TMEM114: variants seen among roughly 807,000 people sequenced by gnomAD.
TMEM114 encodes the protein claudin-26.
TMEM114 carries 6 observed loss-of-function variants against 6.2 expected under a neutral mutation model. The observed-to-expected ratio is 0.97, with a 90% CI of 0.53 to 1.91. The LOEUF is 1.91. Among genes scored for constraint, TMEM114 ranks in the 40% most tolerant of loss-of-function variants. TMEM114 has a pLI of 0.01. For missense variants in TMEM114, 218 were observed against 158.3 expected (o/e 1.38, Z -2.02); for synonymous variants, 104 against 73.0 (o/e 1.42, Z -2.16).
intron 2 of TMEM114, among the ~76,000 whole-genome samples, chr16:8,581,005 A>G (rs971735699): frequency 6.6e-6 from 1 of 152,144 alleles, no homozygotes; most frequent in Non-Finnish European, 1.5e-5. Context: ...ATCATACTTT[A>G]ACAGATCTGA....
intron 2 of TMEM114, among the ~76,000 whole-genome samples, chr16:8,558,685 C>A (rs541010106): frequency 2.6e-5 from 4 of 152,252 alleles, no homozygotes; most frequent in African/African-American, 7.2e-5. Flanking sequence ...TTCACCCCAC[C>A]TCTCAGGGCC....
Position 8,560,964 on chromosome 16 carries a change from T to C in TMEM114, n.213-23138A>G, listed in dbSNP as rs77905432. ...GGCAGAAGGCAAAAGACACGTCTTA[T>C]ATCACAGCAGGCGAGACAGGGAATG... On this transcript the variant is annotated intron_variant and non_coding_transcript_variant, in intron 2 of 2. Transcript: ENST00000623677. 4.5e-3 allele frequency among the ~76,000 whole-genome samples: 692 copies of C among 152,328 alleles called. 6 individuals carry two copies. The highest frequency in any genetic ancestry group is 0.015 in the African/African-American group (642 of 41,574).
chr16:8,543,409 T>C (rs113646045), intron 2 of TMEM114, among the ~76,000 whole-genome samples: 11,362 of 152,062 alleles, frequency 0.075, 508 homozygotes, highest in Middle Eastern at 0.17. Context: ...CTGCTTTCCC[T>C]ACCTACCAAG....
At chr16:8,538,466 A>T (rs988239182) in intron 2 of TMEM114, among the ~76,000 whole-genome samples, 2 of 151,668 alleles carry the variant, frequency 1.3e-5, no homozygotes, top group Non-Finnish European at 2.9e-5. Context: ...GTATGAACCT[A>T]GACAAAGAAT....
At chr16:8,549,755 A>G (rs751049108) in intron 2 of TMEM114, among the ~76,000 whole-genome samples, 3 of 152,144 alleles carry the variant, frequency 2.0e-5, no homozygotes, top group Admixed American at 1.3e-4. Flanking sequence ...GCCATGATGA[A>G]GAGTAAGTAA....
intron 2 of TMEM114, among the ~76,000 whole-genome samples, chr16:8,561,288 G>A (rs988912526): frequency 1.3e-5 from 2 of 152,228 alleles, no homozygotes; most frequent in African/African-American, 4.8e-5. Flanking sequence ...GCAAAATTAG[G>A]AGGAAGAGTT....
At chr16:8,535,902 T>C (rs1437414552), downstream of TMEM114, among the ~76,000 whole-genome samples, 8 of 152,150 alleles carry the variant, frequency 5.3e-5, 1 homozygote, top group Admixed American at 5.2e-4. Context: ...TAAGTCCTCA[T>C]GGTCAAAATG....
chr16:8,569,415 C>G (rs1596308303), downstream of TMEM114: 4 of 1,078,108 alleles, frequency 3.7e-6, no homozygotes, highest in East Asian at 2.7e-4. Flanking sequence ...CCCAGACCCA[C>G]CAAGGAGCTG....
downstream of TMEM114, among the ~76,000 whole-genome samples, chr16:8,534,613 G>T (rs1342827195): frequency 6.6e-6 from 1 of 152,178 alleles, no homozygotes; most frequent in African/African-American, 2.4e-5. Context: ...ACACACACAA[G>T]TGCTTGGTGG....
intron 2 of TMEM114, among the ~76,000 whole-genome samples, chr16:8,578,736 T>A (rs1902029719): frequency 6.6e-6 from 1 of 152,160 alleles, no homozygotes; most frequent in South Asian, 2.1e-4. Context: ...CCCGGCACTT[T>A]GAGAGGCTGA....
intron 2 of TMEM114, among the ~76,000 whole-genome samples, chr16:8,539,080 G>C (rs769426263): frequency 6.6e-6 from 1 of 152,032 alleles, no homozygotes; most frequent in African/African-American, 2.4e-5. Context: ...TGTGAGTTGC[G>C]ATTTTTTTTA....
chr16:8,530,232 C>A, the TMEM114 span, among the ~76,000 whole-genome samples: 2 of 152,214 alleles, frequency 1.3e-5, no homozygotes, highest in African/African-American at 4.8e-5. Context: ...AAAACTCACT[C>A]TCAGCAAAGT....
intron 2 of TMEM114, among the ~76,000 whole-genome samples, chr16:8,555,364 A>G (rs1312560063): frequency 6.6e-6 from 1 of 152,232 alleles, no homozygotes; most frequent in African/African-American, 2.4e-5. Context: ...ATGTGCTAAG[A>G]GTAGCAGCTC....
downstream of TMEM114, among the ~76,000 whole-genome samples, chr16:8,535,590 A>G (rs545862617): frequency 1.3e-5 from 2 of 152,346 alleles, no homozygotes; most frequent in South Asian, 4.1e-4. Flanking sequence ...ATGGGAAATA[A>G]ATGAAATATA....
intron 2 of TMEM114, among the ~76,000 whole-genome samples, chr16:8,581,919 C>G (rs1902164512): frequency 1.3e-5 from 2 of 152,322 alleles, no homozygotes; most frequent in Admixed American, 6.5e-5. Flanking sequence ...CACAGCTATG[C>G]ATAAATCACA....
chr16:8,558,907 AT>A (rs556739377), intron 2 of TMEM114, among the ~76,000 whole-genome samples: 2 of 149,334 alleles, frequency 1.3e-5, no homozygotes, highest in East Asian at 4.0e-4. Context: ...TGCCCAGCTA[AT>A]TTTTTTTTGT....
chr16:8,531,282 T>G, the TMEM114 span, among the ~76,000 whole-genome samples: 1 of 152,228 alleles, frequency 6.6e-6, no homozygotes, highest in South Asian at 2.1e-4. Flanking sequence ...ATGAAGAATT[T>G]CTGTTCAAAA....
At chr16:8,582,740 A>G (rs1263207212) in intron 2 of TMEM114, among the ~76,000 whole-genome samples, 1 of 152,116 alleles carries the variant, frequency 6.6e-6, no homozygotes, top group Non-Finnish European at 1.5e-5. Flanking sequence ...AAATACAAAA[A>G]TGATCTGGGC....
chr16:8,570,190 C>T (rs1901685248), intron 3 of TMEM114, among the ~76,000 whole-genome samples, 185 bp from the exon 4 acceptor site: 1 of 152,208 alleles, frequency 6.6e-6, no homozygotes, highest in South Asian at 2.1e-4. Context: ...TGCCTGTCAT[C>T]GGCAACTCCT....
Sources: gnomAD v4.1 joint callset for allele counts (sites outside exome capture counted in the v4.1 genomes callset) on GRCh38, gnomAD v4.1.1 for gene constraint, MANE v1.5 for transcripts, NCBI Gene and HGNC (gene_info 2026-07-23, HGNC 2026-07-21) for gene names.